DOCK2: variants seen among roughly 807,000 people sequenced by gnomAD.
The protein encoded by DOCK2 is dedicator of cytokinesis 2, also known as dedicator of cytokinesis protein 2.
A neutral mutation model predicts 248.9 loss-of-function variants in DOCK2; 87 were observed. The observed-to-expected ratio is 0.35, with a 90% CI of 0.29 to 0.42. The LOEUF (loss-of-function observed/expected upper bound fraction) is 0.42. Ranked by LOEUF, DOCK2 falls within the 10% of genes least tolerant of loss-of-function variation. The pLI is 1.00. For synonymous variants in DOCK2, 805 were observed against 821.6 expected (o/e 0.98, Z 0.35); for missense variants, 1,747 against 2,300.2 (o/e 0.76, Z 4.92).
At chr5:169,886,312 T>C (rs1772967552) in intron 27 of DOCK2, among the ~76,000 whole-genome samples, 1 of 152,212 alleles carries the variant, frequency 6.6e-6, no homozygotes, top group African/African-American at 2.4e-5. Context: ...TCTGAGGAGA[T>C]GAACCTACTG....
intron 27 of DOCK2, among the ~76,000 whole-genome samples, chr5:169,886,558 T>G (rs960175754): frequency 6.6e-6 from 1 of 152,220 alleles, no homozygotes; most frequent in African/African-American, 2.4e-5. Flanking sequence ...GTTATTTTCA[T>G]TAATAGTAAC....
At chr5:169,883,420 C>G in intron 27 of DOCK2, 1 of 1,551,642 alleles carries the variant, frequency 6.4e-7, no homozygotes, top group Non-Finnish European at 8.7e-7. Context: ...CCTTCGAGGC[C>G]CATCCTCAAG....
intron 29 of DOCK2, among the ~76,000 whole-genome samples, chr5:169,986,876 A>G (rs746600551): frequency 2.0e-5 from 3 of 152,226 alleles, no homozygotes; most frequent in Non-Finnish European, 4.4e-5. Flanking sequence ...AAAACCAAGC[A>G]TTGTCTGGCA....
At chr5:169,935,239 G>GGAAC (rs1414443941) in intron 27 of DOCK2, among the ~76,000 whole-genome samples, 2 of 152,192 alleles carry the variant, frequency 1.3e-5, no homozygotes, top group African/African-American at 4.8e-5. Context: ...ACTGTTTGCT[G>GGAAC]TGAGTCACTG....
At chr5:169,727,515 T>A (rs1169205917) in intron 22 of DOCK2, among the ~76,000 whole-genome samples, 1 of 152,106 alleles carries the variant, frequency 6.6e-6, no homozygotes, top group Non-Finnish European at 1.5e-5. Context: ...TGAAGCTGAA[T>A]TGTGAAACAC....
At chr5:169,742,506 C>T (rs1332852054) in intron 22 of DOCK2, among the ~76,000 whole-genome samples, 4 of 152,166 alleles carry the variant, frequency 2.6e-5, no homozygotes, top group South Asian at 2.1e-4. Context: ...GAGAAGGAAT[C>T]GGAGGGATGG....
chr5:169,890,391 G>A (rs1054954627), intron 27 of DOCK2, among the ~76,000 whole-genome samples: 6 of 152,262 alleles, frequency 3.9e-5, no homozygotes, highest in African/African-American at 1.2e-4. Flanking sequence ...TTTGTCTTCA[G>A]TTAATTGCTT....
At chr5:169,653,139 T>A (rs1757897539) in intron 1 of DOCK2, among the ~76,000 whole-genome samples, 1 of 152,140 alleles carries the variant, frequency 6.6e-6, no homozygotes, top group African/African-American at 2.4e-5. Flanking sequence ...GTTGTGAGAA[T>A]TAAAGGAGTA....
intron 27 of DOCK2, among the ~76,000 whole-genome samples, chr5:169,908,989 G>A (rs192952626): frequency 2.4e-4 from 37 of 152,334 alleles, no homozygotes; most frequent in African/African-American, 7.9e-4. Flanking sequence ...CTGGCAGAGA[G>A]AGCCACTGTC....
intron 44 of DOCK2, among the ~76,000 whole-genome samples, chr5:170,058,389 G>A (rs183585347): frequency 2.1e-4 from 32 of 152,206 alleles, no homozygotes; most frequent in Admixed American, 1.6e-3. Context: ...TGGGAAAGAC[G>A]GACTAAAAAG....
At chr5:169,879,303 C>T (rs1284391139) in intron 27 of DOCK2, among the ~76,000 whole-genome samples, 1 of 152,068 alleles carries the variant, frequency 6.6e-6, no homozygotes, top group African/African-American at 2.4e-5. Context: ...ATCACTTATT[C>T]ATTCGTTTCT....
intron 27 of DOCK2, among the ~76,000 whole-genome samples, chr5:169,900,162 A>G (rs768916674): frequency 2.6e-5 from 4 of 152,260 alleles, no homozygotes; most frequent in Non-Finnish European, 5.9e-5. Flanking sequence ...AAAGGAGGAG[A>G]TGGGCAGGTA....
At chr5:170,067,271 A>T (rs754076797) in intron 44 of DOCK2, among the ~76,000 whole-genome samples, 1 of 144,242 alleles carries the variant, frequency 6.9e-6, no homozygotes, top group Non-Finnish European at 1.5e-5. Flanking sequence ...CAGGTACCTG[A>T]CACTTCCTGC....
At chr5:169,986,207 T>A (rs1207824437) in intron 29 of DOCK2, among the ~76,000 whole-genome samples, 3 of 152,166 alleles carry the variant, frequency 2.0e-5, no homozygotes, top group African/African-American at 7.2e-5. Context: ...GAAAAGCATT[T>A]TAAAAATATA....
At chr5:170,052,319 G>A (rs1032993938) in intron 41 of DOCK2, among the ~76,000 whole-genome samples, 5 of 152,174 alleles carry the variant, frequency 3.3e-5, no homozygotes, top group Admixed American at 6.5e-5. Context: ...GGTTATAGGC[G>A]AGACATAGGA....
chr5:170,082,989 C>T lies in DOCK2; in HGVS notation c.*131C>T, dbSNP rs897776065. On this transcript the variant is annotated 3_prime_UTR_variant, in exon 52 of 52. Transcript: ENST00000520908. Reference sequence around the variant, plus strand: ...ATCAGTTGTCCTTACTTAGAGGAGACAGAGAGGCCAATCAGGTCCCAGAGC... The same window carrying T: ...ATCAGTTGTCCTTACTTAGAGGAGATAGAGAGGCCAATCAGGTCCCAGAGC... 2 of 1,161,372 alleles carry T rather than the reference C, an allele frequency of 1.7e-6. No homozygotes were observed. Among genetic ancestry groups the T allele is most frequent in the South Asian group, 1.4e-5 (1 of 73,290 alleles). 71.9% of individuals were successfully genotyped at this position (1,161,372 alleles called of 1,614,324 possible). A position where few individuals can be genotyped will look rare whatever the true frequency, so the allele number is the denominator to read the frequency against.
chr5:169,933,595 A>T (rs1274857837), intron 27 of DOCK2, among the ~76,000 whole-genome samples: 1 of 152,202 alleles, frequency 6.6e-6, no homozygotes, highest in African/African-American at 2.4e-5. Context: ...TCTTTAGTCC[A>T]GCTCCTTCCC....
intron 27 of DOCK2, among the ~76,000 whole-genome samples, chr5:169,854,022 A>T (rs1222382086): frequency 6.6e-6 from 1 of 150,810 alleles, no homozygotes; most frequent in Non-Finnish European, 1.5e-5. Flanking sequence ...TTATTAGTAG[A>T]GATGGGGTTT....
intron 26 of DOCK2, among the ~76,000 whole-genome samples, chr5:169,825,350 G>A (rs1467622733): frequency 1.3e-5 from 2 of 152,192 alleles, no homozygotes; most frequent in South Asian, 2.1e-4. Flanking sequence ...ATTCACAATA[G>A]CAAAGACTTG....
Sources: gnomAD v4.1 joint callset for allele counts (sites outside exome capture counted in the v4.1 genomes callset) on GRCh38, gnomAD v4.1.1 for gene constraint, MANE v1.5 for transcripts, NCBI Gene and HGNC (gene_info 2026-07-23, HGNC 2026-07-21) for gene names.